The following TWNK variants were observed in gnomAD, a reference collection of about 807,000 sequenced individuals.
The protein encoded by TWNK is T7 gp4-like protein with intramitochondrial nucleoid localization.
Under a neutral mutation model 58.2 loss-of-function variants are expected in TWNK, and 36 were observed. That is an observed-to-expected ratio of 0.62 (90% confidence interval 0.47 to 0.82). The LOEUF is 0.82. Ranked by LOEUF, TWNK falls within the 40% of genes least tolerant of loss-of-function variation. The pLI is 0.00. For missense variants in TWNK, 714 were observed against 881.0 expected (o/e 0.81, Z 2.40); for synonymous variants, 349 against 348.5 (o/e 1.00, Z -0.02).
Position 100,993,505 on chromosome 10 carries a change from A to G in TWNK, c.2050A>G (p.Lys684Glu). The change falls in exon 5 of 5, where the codon AAG becomes GAG. Residue 684 changes from lysine to glutamate, a missense_variant. Physicochemically the swap from Lys to Glu is moderately conservative, Grantham distance 56. This residue lies in a region of TWNK where 64 missense variants were observed against 54.0 expected (regional missense o/e 1.19). Coordinates refer to ENST00000311916, the MANE Select transcript of TWNK (RefSeq NM_021830.5). ...PDQPDTSKRS[K>E] ...CCAGCCAGACACCTCCAAGCGTTCAAAGTGAAGGCCGTGCAGAGCTGGTCA... is the reference window on the plus strand; with the variant it reads ...CCAGCCAGACACCTCCAAGCGTTCAGAGTGAAGGCCGTGCAGAGCTGGTCA... The G allele has an allele frequency of 6.2e-7, 1 of 1,614,100 alleles. No individual in the cohort carries two copies. The highest frequency in any genetic ancestry group is 1.1e-5 in the South Asian group (1 of 91,090).
At position 100,987,710 on chromosome 10, in the gene TWNK, G is replaced by C; in HGVS notation, c.-501G>C. ...AGAGACTGGCATTCCTTTGGGCCGG[G>C]GGATTGGCGGGAGTCGTGCTGGGTG... is the stretch of plus-strand genomic sequence containing the variant. On this transcript the variant is annotated 5_prime_UTR_variant, in exon 1 of 5. Transcript: ENST00000311916. 1 of 589,536 alleles carries C rather than the reference G, an allele frequency of 1.7e-6. No individual in the cohort carries two copies. Among genetic ancestry groups the C allele is most frequent in the East Asian group, 2.8e-5 (1 of 35,182 alleles). The allele number at this position is 589,536 out of a possible 1,614,324, so 36.5% of individuals were successfully genotyped here. A position where few individuals can be genotyped will look rare whatever the true frequency, so the allele number is the denominator to read the frequency against.
chr10:100,989,473 C>A lies in TWNK; in HGVS notation c.1243+20C>A. ...TCACAGGTAACCCTTTGAGAAATCA[C>A]TACTTAGAGTAAAGGGGCAGAAGAT... is the stretch of plus-strand genomic sequence containing the variant. On this transcript the variant is annotated intron_variant, in intron 1 of 4. Coordinates refer to ENST00000311916, the MANE Select transcript of TWNK (RefSeq NM_021830.5). This position sits in a 1 kb window ranked among gnomAD's most constrained non-coding sequence, Gnocchi z 7.6. 6.2e-7 allele frequency: 1 copy of A among 1,612,980 alleles called. No homozygotes were observed. The highest frequency in any genetic ancestry group is 1.1e-5 in the South Asian group (1 of 91,062).
chr10:100,990,686 T>TA, intron 3 of TWNK, 143 bp downstream of exon 3: 1 of 1,586,008 alleles, frequency 6.3e-7, no homozygotes, highest in Non-Finnish European at 8.6e-7. Context: ...CCCATGTGTA[T>TA]CATATGGAGG....
Position 100,993,175 on chromosome 10 carries a change from C to T in TWNK, c.1735-15C>T. 2 of 1,613,840 alleles carry T rather than the reference C, an allele frequency of 1.2e-6. No homozygotes were observed. The highest frequency in any genetic ancestry group is 1.7e-6 in the Non-Finnish European group (2 of 1,179,804). ...TCTTACTCCTGCTTTCCTCCTTCTG[C>T]CCCCTGTTCCCCAGGCAAGCCAGGA... is the stretch of plus-strand genomic sequence containing the variant. On this transcript the variant is annotated splice_polypyrimidine_tract_variant and intron_variant, in intron 4 of 4. Transcript: ENST00000311916.
chr10:100,989,344 A>G lies in TWNK; in HGVS notation c.1134A>G (p.Leu378=). ...TCCGGCAGCTTCGGGAGGAGGTGCT[A>G]GGAGAACTGTCAAATGTGGAGCAAG... ...VSFRQLREEV[L]GELSNVEQAA... Residue 378 remains leucine (L), a synonymous_variant, in exon 1 of 5, where the codon CTA becomes CTG. Transcript: ENST00000311916. The surrounding 1 kb of genome is among the most constrained non-coding windows in gnomAD (Gnocchi z 7.6). The G allele has an allele frequency of 1.2e-6, 2 of 1,614,190 alleles. No homozygotes were observed. Among genetic ancestry groups the G allele is most frequent in the Non-Finnish European group, 1.7e-6 (2 of 1,180,034 alleles).
chr10:100,993,284 T>G lies in TWNK; in HGVS notation c.1829T>G (p.Phe610Cys). ...KRYLQVSKNR[F>C]DGDVGVFPLE... ...TATCTGCAGGTGTCCAAGAACCGCT[T>G]TGATGGAGATGTAGGTGTCTTCCCG... Residue 610 changes from phenylalanine to cysteine, a missense_variant, in exon 5 of 5, where the codon TTT becomes TGT. Coordinates refer to ENST00000311916, the MANE Select transcript of TWNK (RefSeq NM_021830.5). 6.2e-7 allele frequency: 1 copy of G among 1,614,190 alleles called. No individual in the cohort carries two copies. Among genetic ancestry groups the G allele is most frequent in the Non-Finnish European group, 8.5e-7 (1 of 1,180,040 alleles).
intron 4 of TWNK, among the ~76,000 whole-genome samples, chr10:100,991,705 T>C (rs1200585988): frequency 6.6e-6 from 1 of 151,974 alleles, no homozygotes; most frequent in Non-Finnish European, 1.5e-5. Flanking sequence ...AGTGAGACCC[T>C]GTCTCTACAA....
chr10:100,991,667 C>T (rs1478853188), intron 4 of TWNK, among the ~76,000 whole-genome samples: 1 of 151,752 alleles, frequency 6.6e-6, no homozygotes, highest in Non-Finnish European at 1.5e-5. Context: ...ATTGCTGGGG[C>T]CCAGGAGTTT....
intron 4 of TWNK, among the ~76,000 whole-genome samples, chr10:100,992,841 C>T (rs1851818589): frequency 6.6e-6 from 1 of 151,838 alleles, no homozygotes; most frequent in Non-Finnish European, 1.5e-5. Context: ...GGCTGGAGTG[C>T]AGTGGCACAA....
rs1851654444 is a variant in TWNK at position 100,988,576 on chromosome 10, G to A, written c.366G>A (p.Trp122Ter). ...LCMTSLAEGS[W>*]EDFQASVEGR... is the part of the protein sequence containing the mutation. ...TGACCAGCCTAGCAGAAGGGAGCTG[G>A]GAAGACTTCCAGGCCAGCGTGGAGG... is the stretch of plus-strand genomic sequence containing the variant. The change falls in exon 1 of 5, where the codon TGG becomes TGA. Residue 122 changes from tryptophan (W) to a stop codon, truncating the protein, a stop_gained. Transcript: ENST00000311916. LOFTEE classifies it high-confidence loss of function. This position sits in a 1 kb window ranked among gnomAD's most constrained non-coding sequence, Gnocchi z 5.2. 6.2e-7 allele frequency: 1 copy of A among 1,614,024 alleles called. No homozygotes were observed. The highest frequency in any genetic ancestry group is 8.5e-7 in the Non-Finnish European group (1 of 1,180,036).
chr10:100,989,199 G>C lies in TWNK; in HGVS notation c.989G>C (p.Cys330Ser), dbSNP rs1851690067. 6.2e-7 allele frequency: 1 copy of C among 1,613,968 alleles called. No individual in the cohort carries two copies. Among genetic ancestry groups the C allele is most frequent in the Non-Finnish European group, 8.5e-7 (1 of 1,179,842 alleles). Residue 330 changes from cysteine (C) to serine (S), a missense_variant, in exon 1 of 5, where the codon TGC becomes TCC. Physicochemically the swap from Cys to Ser is moderately radical, Grantham distance 112. Transcript: ENST00000311916. This position sits in a 1 kb window ranked among gnomAD's most constrained non-coding sequence, Gnocchi z 7.6. ...LFARKLNPKR[C>S]FLVRPGDQQP... Reference sequence around the variant, plus strand: ...GCACGAAAACTGAACCCCAAACGATGCTTCTTGGTGCGACCAGGAGACCAG... The same window carrying C: ...GCACGAAAACTGAACCCCAAACGATCCTTCTTGGTGCGACCAGGAGACCAG...
At position 100,990,875 on chromosome 10, in the gene TWNK, A is replaced by C. The variant is rs766599091; in HGVS notation, c.1599A>C (p.Ala533=). Residue 533 remains alanine, a synonymous_variant, in exon 4 of 5, where the codon GCA becomes GCC. Transcript: ENST00000311916. ...GHEQLSTDRI[A]AQDYIIGVFR... is the part of the protein sequence containing the mutation. ...TGTTGTTGGGATGGCGTAGGATCGC[A>C]GCTCAAGACTACATCATCGGGGTCT... 1.2e-5 allele frequency: 19 copies of C among 1,614,110 alleles called. No homozygotes were observed. The Admixed American group carries it at 3.2e-4, about 27-fold the overall frequency.
Position 100,989,462 on chromosome 10 carries a change from T to C in TWNK, c.1243+9T>C. 1.2e-6 allele frequency: 2 copies of C among 1,613,478 alleles called. No homozygotes were observed. The highest frequency in any genetic ancestry group is 4.5e-5 in the East Asian group (2 of 44,884). On this transcript the variant is annotated intron_variant, in intron 1 of 4. Coordinates refer to ENST00000311916, the MANE Select transcript of TWNK (RefSeq NM_021830.5). The surrounding 1 kb of genome is among the most constrained non-coding windows in gnomAD (Gnocchi z 7.6). ...GCTGACGGTCTTCACAGGTAACCCT[T>C]TGAGAAATCACTACTTAGAGTAAAG...
intron 4 of TWNK, among the ~76,000 whole-genome samples, chr10:100,991,855 C>CAA (rs35576258): frequency 7.6e-6 from 1 of 131,256 alleles, no homozygotes; most frequent in Non-Finnish European, 1.7e-5. Flanking sequence ...ACTAAAAATA[C>CAA]AAAAAAAAAA....
Position 100,987,573 on chromosome 10 carries a change from G to C in TWNK, c.-638G>C, listed in dbSNP as rs897104030. 6.6e-6 allele frequency: 9 copies of C among 1,358,042 alleles called. No homozygotes were observed. The Admixed American group carries it at 8.0e-5, about 12-fold the overall frequency. The allele number at this position is 1,358,042 out of a possible 1,614,324, so 84.1% of individuals were successfully genotyped here. On this transcript the variant is annotated 5_prime_UTR_variant, in exon 1 of 5. Coordinates refer to ENST00000311916, the MANE Select transcript of TWNK (RefSeq NM_021830.5). ...CGAGGTCAAGGCGAGTAGCATGTGC[G>C]GGAGACTCACGTTGCCGGCGAAGTG...
chr10:100,989,084 C>T lies in TWNK; in HGVS notation c.874C>T (p.Pro292Ser). ...TLPRGTTCLPPALLPYLEQFR... is the reference protein window; with the variant it reads ...TLPRGTTCLPSALLPYLEQFR... ...ACCCCGAGGAACGACCTGCTTACCC[C>T]CTGCCTTACTCCCTTACCTGGAACA... is the stretch of plus-strand genomic sequence containing the variant. Residue 292 changes from proline to serine, a missense_variant, in exon 1 of 5, where the codon CCT becomes TCT. Physicochemically the swap from Pro to Ser is moderately conservative, Grantham distance 74. Coordinates refer to ENST00000311916, the MANE Select transcript of TWNK (RefSeq NM_021830.5). This position sits in a 1 kb window ranked among gnomAD's most constrained non-coding sequence, Gnocchi z 7.6. 2 of 1,613,844 alleles carry T rather than the reference C, an allele frequency of 1.2e-6. No homozygotes were observed. Among genetic ancestry groups the T allele is most frequent in the Non-Finnish European group, 8.5e-7 (1 of 1,179,816 alleles).
intron 4 of TWNK, among the ~76,000 whole-genome samples, chr10:100,992,759 A>G (rs973334803): frequency 1.3e-5 from 2 of 150,824 alleles, no homozygotes; most frequent in African/African-American, 4.8e-5. Context: ...CATGGGGGGA[A>G]GTACTTTTCC....
chr10:100,987,793 C>T lies in TWNK; in HGVS notation c.-418C>T, dbSNP rs750659283. On this transcript the variant is annotated 5_prime_UTR_variant, in exon 1 of 5. Transcript: ENST00000311916. ...GGAGAAGCGGAAGAGGGTCTCTAGT[C>T]GGGGCCTAGGGCAAAGGGACTACAA... 158 of 583,534 alleles carry T rather than the reference C, an allele frequency of 2.7e-4. No individual in the cohort carries two copies. The highest frequency in any genetic ancestry group is 2.7e-4 in the Non-Finnish European group (90 of 330,538). 36.1% of individuals were successfully genotyped at this position (583,534 alleles called of 1,614,324 possible). A position where few individuals can be genotyped will look rare whatever the true frequency, so the allele number is the denominator to read the frequency against.
Position 100,989,342 on chromosome 10 carries a change from C to T in TWNK, c.1132C>T (p.Leu378=). The change falls in exon 1 of 5, where the codon CTA becomes TTA. Residue 378 remains leucine, a synonymous_variant. Coordinates refer to ENST00000311916, the MANE Select transcript of TWNK (RefSeq NM_021830.5). The surrounding 1 kb of genome is among the most constrained non-coding windows in gnomAD (Gnocchi z 7.6). ...TTTCCGGCAGCTTCGGGAGGAGGTG[C>T]TAGGAGAACTGTCAAATGTGGAGCA... ...VSFRQLREEV[L]GELSNVEQAA... is the part of the protein sequence containing the mutation. The T allele has an allele frequency of 6.2e-7, 1 of 1,614,154 alleles. No individual in the cohort carries two copies. Among genetic ancestry groups the T allele is most frequent in the Non-Finnish European group, 8.5e-7 (1 of 1,180,008 alleles).
Sources: gnomAD v4.1 joint callset for allele counts (sites outside exome capture counted in the v4.1 genomes callset) on GRCh38, gnomAD v4.1.1 for gene constraint, gnomAD v4.1.1 regional missense constraint, Gnocchi (gnomAD v3.1) non-coding constraint, MANE v1.5 for transcripts, NCBI Gene and HGNC (gene_info 2026-07-23, HGNC 2026-07-21) for gene names.